The following MCTP1 variants were observed in gnomAD, a reference collection of about 807,000 sequenced individuals.
MCTP1 encodes the protein multiple C2 and transmembrane domain-containing protein 1.
MCTP1 carries 69 observed loss-of-function variants against 120.6 expected under a neutral mutation model. The ratio of observed to expected loss-of-function variants is 0.57; its 90% CI spans 0.47 to 0.70. The LOEUF is 0.70. Among genes scored for constraint, MCTP1 ranks in the 30% least tolerant of loss-of-function variants. The probability of loss-of-function intolerance (pLI) is 0.00; values close to 1 mark genes in which losing one functional copy is unlikely to be tolerated. For missense variants in MCTP1, 1,203 were observed against 1,248.8 expected (o/e 0.96, Z 0.55); for synonymous variants, 529 against 493.1 (o/e 1.07, Z -0.96).
At chr5:95,263,965 T>A (rs1313978081) in intron 1 of MCTP1, among the ~76,000 whole-genome samples, 2 of 152,220 alleles carry the variant, frequency 1.3e-5, no homozygotes, top group Admixed American at 1.3e-4. Flanking sequence ...TTCCTTTGTA[T>A]TGAAACCACA....
chr5:94,970,556 A>T (rs1329013970), intron 2 of MCTP1, among the ~76,000 whole-genome samples: 1 of 152,138 alleles, frequency 6.6e-6, no homozygotes, highest in South Asian at 2.1e-4. Flanking sequence ...ACTATCCTAG[A>T]TGTCATTTTT....
At chr5:94,828,404 T>C (rs1417550353) in intron 17 of MCTP1, among the ~76,000 whole-genome samples, 2 of 152,038 alleles carry the variant, frequency 1.3e-5, no homozygotes, top group African/African-American at 2.4e-5. Flanking sequence ...TGATGGGAGG[T>C]GTCTCCCAGT....
At chr5:94,874,895 T>A (rs1209970842) in intron 12 of MCTP1, among the ~76,000 whole-genome samples, 1 of 152,142 alleles carries the variant, frequency 6.6e-6, no homozygotes, top group Non-Finnish European at 1.5e-5. Context: ...CCTTTCAATA[T>A]AAGCGTGCCA....
chr5:94,925,623 A>C (rs1812886472), intron 6 of MCTP1, among the ~76,000 whole-genome samples: 1 of 152,134 alleles, frequency 6.6e-6, no homozygotes, highest in Admixed American at 6.6e-5. Context: ...GTTAGCCAGA[A>C]TGGTCTCAAT....
chr5:94,748,289 TAC>T lies in MCTP1; in HGVS notation c.2610+30819_2610+30820del, dbSNP rs1767399200. Among the ~76,000 whole-genome samples the T allele has an allele frequency of 2.0e-5, 3 of 152,308 alleles. No individual in the cohort carries two copies. In the East Asian group the frequency reaches 5.8e-4, roughly 29 times the overall value. On this transcript the variant is annotated intron_variant, in intron 19 of 22. Transcript: ENST00000515393. Reference sequence around the variant, plus strand: ...TAGATAAACACATGCCAGTTGCATGTACAGTTAGGACTCAGAGCTTGCTAAAG... The same window carrying T: ...TAGATAAACACATGCCAGTTGCATGTAGTTAGGACTCAGAGCTTGCTAAAG...
intron 18 of MCTP1, among the ~76,000 whole-genome samples, chr5:94,795,425 A>C (rs771068776): frequency 2.3e-4 from 35 of 152,336 alleles, no homozygotes; most frequent in Non-Finnish European, 4.4e-4. Flanking sequence ...TTTAAATCAA[A>C]GTAAAAGCCA....
At chr5:95,103,896 G>A (rs1246756015) in intron 1 of MCTP1, among the ~76,000 whole-genome samples, 1 of 152,084 alleles carries the variant, frequency 6.6e-6, no homozygotes, top group Admixed American at 6.5e-5. Context: ...GAAGCAGGAG[G>A]GTTGCAGACA....
intron 1 of MCTP1, among the ~76,000 whole-genome samples, chr5:95,241,691 T>C (rs183276486): frequency 9.2e-5 from 14 of 152,336 alleles, no homozygotes; most frequent in Admixed American, 8.5e-4. Context: ...TTTTCCCCAA[T>C]TAAATTCCTA....
At chr5:94,788,536 C>G (rs1476213262) in intron 18 of MCTP1, among the ~76,000 whole-genome samples, 5 of 152,170 alleles carry the variant, frequency 3.3e-5, no homozygotes, top group Non-Finnish European at 7.3e-5. Flanking sequence ...CAATAATTCT[C>G]CACAAATATA....
intron 17 of MCTP1, among the ~76,000 whole-genome samples, chr5:94,853,235 T>C (rs78352533): frequency 0.015 from 2,323 of 152,056 alleles, 71 homozygotes; most frequent in African/African-American, 0.054. Context: ...TCTGTCATCC[T>C]TGAAACAATT....
intron 1 of MCTP1, among the ~76,000 whole-genome samples, chr5:95,187,516 C>T (rs1283636046): frequency 6.6e-6 from 1 of 152,180 alleles, no homozygotes; most frequent in East Asian, 1.9e-4. Context: ...TTTCCTGCCT[C>T]AGCCTCCCAA....
intron 1 of MCTP1, among the ~76,000 whole-genome samples, chr5:95,146,485 T>G (rs1050773114): frequency 6.6e-6 from 1 of 152,206 alleles, no homozygotes; most frequent in African/African-American, 2.4e-5. Context: ...GGTAATTAAT[T>G]TGAAATCTTT....
At chr5:95,070,411 A>C (rs906865951) in intron 1 of MCTP1, among the ~76,000 whole-genome samples, 8 of 152,236 alleles carry the variant, frequency 5.3e-5, no homozygotes, top group African/African-American at 1.9e-4. Flanking sequence ...CCAATTCTGC[A>C]GTACAGATTG....
intron 5 of MCTP1, among the ~76,000 whole-genome samples, chr5:94,934,744 T>TG (rs1561883881): frequency 6.6e-6 from 1 of 151,122 alleles, no homozygotes; most frequent in Non-Finnish European, 1.5e-5. Context: ...GAAGTTTTTT[T>TG]TTTTTTTTTT....
intron 17 of MCTP1, among the ~76,000 whole-genome samples, chr5:94,822,056 C>A (rs1785784549): frequency 6.6e-6 from 1 of 151,856 alleles, no homozygotes; most frequent in Admixed American, 6.6e-5. Flanking sequence ...GTTTTCATAT[C>A]TGTTAATTAA....
intron 1 of MCTP1, among the ~76,000 whole-genome samples, chr5:95,130,222 G>C (rs890981722): frequency 6.6e-6 from 1 of 152,104 alleles, no homozygotes; most frequent in Non-Finnish European, 1.5e-5. Flanking sequence ...ATCTATCTAT[G>C]TAAATCCTAT....
At chr5:95,042,455 C>T (rs1842513314) in intron 1 of MCTP1, among the ~76,000 whole-genome samples, 2 of 152,132 alleles carry the variant, frequency 1.3e-5, no homozygotes, top group South Asian at 4.1e-4. Flanking sequence ...AAAACAACGG[C>T]GTTAACAAAC....
chr5:94,944,658 G>T (rs1455772202), intron 3 of MCTP1, among the ~76,000 whole-genome samples: 2 of 152,166 alleles, frequency 1.3e-5, no homozygotes, highest in East Asian at 3.8e-4. Context: ...CACTCTCCTA[G>T]TGAGAGTCTT....
intron 19 of MCTP1, among the ~76,000 whole-genome samples, chr5:94,759,272 G>T (rs980669530): frequency 1.3e-5 from 2 of 152,170 alleles, no homozygotes; most frequent in African/African-American, 2.4e-5. Flanking sequence ...GATACCAGGT[G>T]TGTAAACACT....
Sources: gnomAD v4.1 joint callset for allele counts (sites outside exome capture counted in the v4.1 genomes callset) on GRCh38, gnomAD v4.1.1 for gene constraint, MANE v1.5 for transcripts, NCBI Gene and HGNC (gene_info 2026-07-23, HGNC 2026-07-21) for gene names.